The following XPR1 variants were observed in gnomAD, a reference collection of about 807,000 sequenced individuals.
XPR1 encodes xenotropic and polytropic retrovirus receptor 1.
XPR1 carries 28 observed loss-of-function variants against 87.5 expected under a neutral mutation model. That is an observed-to-expected ratio of 0.32 (90% CI 0.24 to 0.44). XPR1 has a LOEUF of 0.44. Ranked by LOEUF, XPR1 falls within the 20% of genes least tolerant of loss-of-function variation. The pLI, the probability that XPR1 is intolerant of heterozygous loss-of-function variation, is 1.00. For synonymous variants in XPR1, 300 were observed against 306.1 expected, an observed-to-expected ratio of 0.98 and a Z score of 0.21; for missense variants, 559 against 862.3, an observed-to-expected ratio of 0.65 and a Z score of 4.41.
chr1:180,870,546 AATTGATCCCTTTACCATT>A (rs1245419193), intron 12 of XPR1, among the ~76,000 whole-genome samples: 2 of 58,256 alleles, frequency 3.4e-5, no homozygotes, highest in Non-Finnish European at 6.8e-5. Flanking sequence ...CTTCTTGTTG[AATTGATCCCTTTACCATT>A]ATGTAATGGC....
intron 2 of XPR1, among the ~76,000 whole-genome samples, chr1:180,726,304 A>G (rs981611249): frequency 6.6e-6 from 1 of 152,232 alleles, no homozygotes; most frequent in Non-Finnish European, 1.5e-5. Context: ...CACCCCAGCC[A>G]GCAGCGCAAC....
chr1:180,805,040 A>G (rs1649938017), intron 4 of XPR1, among the ~76,000 whole-genome samples: 2 of 152,212 alleles, frequency 1.3e-5, no homozygotes, highest in Admixed American at 6.5e-5. Flanking sequence ...GTAATAATTA[A>G]TTATGAAAGT....
At chr1:180,759,926 G>T (rs936631023) in intron 2 of XPR1, among the ~76,000 whole-genome samples, 10 of 152,122 alleles carry the variant, frequency 6.6e-5, no homozygotes, top group African/African-American at 2.4e-4. Context: ...ATGATCAAGT[G>T]GGCTTCATCC....
chr1:180,863,663 A>C lies in XPR1; in HGVS notation c.1502-45A>C, dbSNP rs1652292151. On this transcript the variant is annotated intron_variant, in intron 11 of 14. Transcript: ENST00000367590. ...GTGTTATTAATGAAAAATTTTACTT[A>C]AATGTAGTAATTTTCTCTTTTCTCT... is the stretch of plus-strand genomic sequence containing the variant. 6.7e-6 allele frequency: 10 copies of C among 1,496,784 alleles called. No individual in the cohort carries two copies. The South Asian group carries it at 1.3e-4, about 19-fold the overall frequency. The allele number at this position is 1,496,784 out of a possible 1,614,324, so 92.7% of individuals were successfully genotyped here.
In XPR1 at chr1:180,657,262, A is replaced by G. The variant is rs573082778; in HGVS notation, c.69+24992A>G. ...TGTGGGATGTCTCTTCATTTTGTTGATTGTTTCCTTTGCTGTGCAGAAGAT... is the reference window on the plus strand; with the variant it reads ...TGTGGGATGTCTCTTCATTTTGTTGGTTGTTTCCTTTGCTGTGCAGAAGAT... On this transcript the variant is annotated intron_variant, in intron 1 of 14. Coordinates refer to ENST00000367590, the MANE Select transcript of XPR1 (RefSeq NM_004736.4). Among the ~76,000 whole-genome samples the G allele has an allele frequency of 1.6e-4, 25 of 151,656 alleles. No homozygotes were observed. In the East Asian group the frequency reaches 4.7e-3, roughly 28 times the overall value.
chr1:180,826,732 C>T (rs906623700), intron 9 of XPR1, among the ~76,000 whole-genome samples: 5 of 152,088 alleles, frequency 3.3e-5, no homozygotes, highest in Non-Finnish European at 7.4e-5. Flanking sequence ...AAGTATACGT[C>T]CTTGAAAACT....
At chr1:180,659,569 C>T (rs1430358477) in intron 1 of XPR1, among the ~76,000 whole-genome samples, 1 of 144,552 alleles carries the variant, frequency 6.9e-6, no homozygotes, top group Non-Finnish European at 1.5e-5. Flanking sequence ...CCACCACCCA[C>T]CACACCCCCC....
chr1:180,698,062 T>G (rs11484582), intron 2 of XPR1, among the ~76,000 whole-genome samples: 6,547 of 152,248 alleles, frequency 0.043, 504 homozygotes, highest in African/African-American at 0.15. Flanking sequence ...ACTATTAGTG[T>G]ATTGGAATCT....
chr1:180,651,867 C>T (rs1363569999), intron 1 of XPR1, among the ~76,000 whole-genome samples: 3 of 152,084 alleles, frequency 2.0e-5, no homozygotes, highest in African/African-American at 7.2e-5. Flanking sequence ...TAAAATAATT[C>T]AATAAAAATA....
At chr1:180,680,357 C>CTTTTTTTTTT (rs369905770) in intron 1 of XPR1, among the ~76,000 whole-genome samples, 13 of 83,390 alleles carry the variant, frequency 1.6e-4, no homozygotes, top group African/African-American at 1.5e-4. Context: ...CAAATAGAAC[C>CTTTTTTTTTT]TTTTTTTTTT....
intron 7 of XPR1, among the ~76,000 whole-genome samples, chr1:180,817,049 C>T (rs1650435568): frequency 6.6e-6 from 1 of 150,906 alleles, no homozygotes; most frequent in South Asian, 2.1e-4. Flanking sequence ...TAGGCCTAGG[C>T]TAATATGTGT....
chr1:180,757,930 G>A lies in XPR1; in HGVS notation c.122-29823G>A, dbSNP rs1055936174. 3.2e-4 allele frequency among the ~76,000 whole-genome samples: 34 copies of A among 106,542 alleles called. No individual in the cohort carries two copies. The Middle Eastern group carries it at 0.032, about 99-fold the overall frequency. The allele number at this position is 106,542 out of a possible 152,430, so 69.9% of individuals were successfully genotyped here. A position where few individuals can be genotyped will look rare whatever the true frequency, so the allele number is the denominator to read the frequency against. On this transcript the variant is annotated intron_variant, in intron 2 of 14. Transcript: ENST00000367590. Reference sequence around the variant, plus strand: ...ATACCCCTATGGGTTATAGTGATAAGAAAAAGAGGAAGCCTTTATGTTGAT... The same window carrying A: ...ATACCCCTATGGGTTATAGTGATAAAAAAAAGAGGAAGCCTTTATGTTGAT...
At chr1:180,728,304 G>A (rs1055843873) in intron 2 of XPR1, among the ~76,000 whole-genome samples, 1 of 144,778 alleles carries the variant, frequency 6.9e-6, no homozygotes, top group African/African-American at 2.5e-5. Context: ...AACTGGGGGG[G>A]GGGGTAGTAA....
chr1:180,812,398 T>C (rs1650250548), intron 7 of XPR1, among the ~76,000 whole-genome samples: 1 of 152,216 alleles, frequency 6.6e-6, no homozygotes, highest in Non-Finnish European at 1.5e-5. Flanking sequence ...ACTTGGCTAG[T>C]TGGATTTGTC....
intron 2 of XPR1, among the ~76,000 whole-genome samples, chr1:180,686,991 A>G (rs953510598): frequency 6.6e-6 from 1 of 152,132 alleles, no homozygotes; most frequent in African/African-American, 2.4e-5. Flanking sequence ...ATTCTCTAAT[A>G]TTTAACTCAA....
At chr1:180,674,403 C>T (rs887226479) in intron 1 of XPR1, among the ~76,000 whole-genome samples, 8 of 151,710 alleles carry the variant, frequency 5.3e-5, no homozygotes, top group South Asian at 4.2e-4. Context: ...GGATTACAGG[C>T]GCCTGCCCCC....
chr1:180,761,787 T>C (rs1224236139), intron 2 of XPR1, among the ~76,000 whole-genome samples: 3 of 152,126 alleles, frequency 2.0e-5, no homozygotes, highest in African/African-American at 7.2e-5. Flanking sequence ...ACCCAAAGGA[T>C]TATAAATCAT....
At chr1:180,694,158 C>G (rs1316980331) in intron 2 of XPR1, among the ~76,000 whole-genome samples, 1 of 152,160 alleles carries the variant, frequency 6.6e-6, no homozygotes, top group Non-Finnish European at 1.5e-5. Context: ...CAGGGTCTTG[C>G]TATGTTGCCT....
intron 7 of XPR1, among the ~76,000 whole-genome samples, chr1:180,814,170 A>G (rs1650321599): frequency 6.6e-6 from 1 of 152,304 alleles, no homozygotes; most frequent in Admixed American, 6.5e-5. Context: ...CTACATTGTA[A>G]TGGCTTTTAG....
Sources: gnomAD v4.1 joint callset for allele counts (sites outside exome capture counted in the v4.1 genomes callset) on GRCh38, gnomAD v4.1.1 for gene constraint, MANE v1.5 for transcripts, NCBI Gene and HGNC (gene_info 2026-07-23, HGNC 2026-07-21) for gene names.